The following CYB5B variants were observed in gnomAD, a reference collection of about 807,000 sequenced individuals.
The protein encoded by CYB5B is cytochrome b5 type B, also known as cytochrome b5 type B (outer mitochondrial membrane).
CYB5B carries 14 observed loss-of-function variants against 21.3 expected under a neutral mutation model. That is an observed-to-expected ratio of 0.66 (90% CI 0.43 to 1.03). CYB5B has a LOEUF of 1.03. CYB5B is among the 50% of genes least tolerant of loss of function. The pLI, the probability that CYB5B is intolerant of heterozygous loss-of-function variation, is 0.00. For missense variants in CYB5B, 166 were observed against 185.1 expected (o/e 0.90, Z 0.60); for synonymous variants, 69 against 68.4 (o/e 1.01, Z -0.04).
rs2015046655 is a variant in CYB5B at position 69,462,629 on chromosome 16, C to T, written c.*109C>T. 3.4e-6 allele frequency: 3 copies of T among 884,704 alleles called. No homozygotes were observed. The South Asian group carries it at 4.1e-5, about 12-fold the overall frequency. The allele number at this position is 884,704 out of a possible 1,614,324, so 54.8% of individuals were successfully genotyped here. On this transcript the variant is annotated 3_prime_UTR_variant, in exon 5 of 5. Coordinates refer to ENST00000307892, the MANE Select transcript of CYB5B (RefSeq NM_030579.3). ...CTCGAATCCTGCCAGTTGCATTCTT[C>T]CCCCTTGGAGCCAAGACGATTGGCC...
In CYB5B at chr16:69,424,681, A is replaced by G. The variant is rs551799461; in HGVS notation, c.-3A>G. On this transcript the variant is annotated 5_prime_UTR_variant, in exon 1 of 5. Coordinates refer to ENST00000307892, the MANE Select transcript of CYB5B (RefSeq NM_030579.3). ...GAATCTCAGTTAGCGGTGGAGAGGC[A>G]GTATGTCCGGTTCAATGGCGACTGC... The G allele has an allele frequency of 3.0e-5, 47 of 1,559,886 alleles. No homozygotes were observed. The South Asian group carries it at 5.3e-4, about 18-fold the overall frequency.
chr16:69,424,895 G>A (rs1324656696), intron 1 of CYB5B, 38 bp downstream of exon 1: 2 of 1,509,794 alleles, frequency 1.3e-6, no homozygotes, highest in Non-Finnish European at 1.8e-6. Context: ...GAAGCTGCTG[G>A]GGCGAGGGGT....
intron 1 of CYB5B, among the ~76,000 whole-genome samples, chr16:69,438,354 A>G (rs2014782445): frequency 6.6e-6 from 1 of 152,186 alleles, no homozygotes; most frequent in Admixed American, 6.6e-5. Context: ...TGCTGCAGTG[A>G]ACATTGGTGT....
Position 69,447,259 on chromosome 16 carries a change from A to T in CYB5B, c.284A>T (p.Tyr95Phe). ...SDAREMLKQYYIGDIHPSDLK... is the reference protein window; with the variant it reads ...SDAREMLKQYFIGDIHPSDLK... Reference sequence around the variant, plus strand: ...GCCAGAGAAATGCTAAAGCAGTACTACATTGGTGATATCCATCCGGTAAGA... The same window carrying T: ...GCCAGAGAAATGCTAAAGCAGTACTTCATTGGTGATATCCATCCGGTAAGA... Residue 95 changes from tyrosine to phenylalanine, a missense_variant, in exon 2 of 5, where the codon TAC becomes TTC. Tyr to Phe is a conservative substitution (Grantham distance 22, BLOSUM62 3). Transcript: ENST00000307892. The T allele has an allele frequency of 6.2e-7, 1 of 1,613,996 alleles. No individual in the cohort carries two copies. Among genetic ancestry groups the T allele is most frequent in the Non-Finnish European group, 8.5e-7 (1 of 1,179,982 alleles).
At position 69,462,553 on chromosome 16, in the gene CYB5B, C is replaced by T. The variant is rs765362758; in HGVS notation, c.*33C>T. On this transcript the variant is annotated 3_prime_UTR_variant, in exon 5 of 5. Coordinates refer to ENST00000307892, the MANE Select transcript of CYB5B (RefSeq NM_030579.3). ...TTGCTGAAGTTAGAAAGTGCATCCA[C>T]TTTGGGGCGAAAACTAGAGACTTGC... 6.4e-7 allele frequency: 1 copy of T among 1,574,506 alleles called. No individual in the cohort carries two copies. Among genetic ancestry groups the T allele is most frequent in the South Asian group, 1.1e-5 (1 of 90,250 alleles).
chr16:69,438,293 A>G lies in CYB5B; in HGVS notation c.175-8857A>G, dbSNP rs180971150. 3.9e-3 allele frequency among the ~76,000 whole-genome samples: 589 copies of G among 152,238 alleles called. 2 individuals carry two copies. Among genetic ancestry groups the G allele is most frequent in the Non-Finnish European group, 4.6e-3 (311 of 68,002 alleles). On this transcript the variant is annotated intron_variant, in intron 1 of 4. Transcript: ENST00000307892. ...TGTATATACCACATTTTGTGTATCT[A>G]TTCATCTGTTTATAGGCATGGGTTG... is the stretch of plus-strand genomic sequence containing the variant.
chr16:69,452,585 G>A (rs975494159), intron 3 of CYB5B, among the ~76,000 whole-genome samples: 4 of 152,140 alleles, frequency 2.6e-5, no homozygotes, highest in African/African-American at 9.7e-5. Flanking sequence ...CGGTAGAATG[G>A]CTTGAACCTG....
chr16:69,465,841 A>G lies in CYB5B; in HGVS notation c.*3321A>G, dbSNP rs532290069. 6.6e-5 allele frequency: 10 copies of G among 152,354 alleles called. No individual in the cohort carries two copies. The highest frequency in any genetic ancestry group is 3.3e-4 in the Admixed American group (5 of 15,300). The allele number at this position is 152,354 out of a possible 1,614,324, so 9.4% of individuals were successfully genotyped here. ...TTTAAACTATCTTATTCTGTTGCCA[A>G]ATATCACAGAAGTAATGAGGAGTTT... is the stretch of plus-strand genomic sequence containing the variant. On this transcript the variant is annotated 3_prime_UTR_variant, in exon 5 of 5. Coordinates refer to ENST00000307892, the MANE Select transcript of CYB5B (RefSeq NM_030579.3).
intron 3 of CYB5B, chr16:69,449,344 C>G (rs970482742): frequency 7.9e-5 from 12 of 151,880 alleles, no homozygotes; most frequent in Admixed American, 2.0e-4. Context: ...CTCTTAATAA[C>G]TTGTGTTATT....
chr16:69,426,799 A>G (rs945513155), intron 1 of CYB5B, among the ~76,000 whole-genome samples: 5 of 151,304 alleles, frequency 3.3e-5, no homozygotes, highest in African/African-American at 9.7e-5. Context: ...GATCCTGGTC[A>G]TACAATCAAT....
At chr16:69,443,971 T>C (rs1222184184) in intron 1 of CYB5B, 2 of 152,536 alleles carry the variant, frequency 1.3e-5, no homozygotes, top group Non-Finnish European at 2.9e-5. Flanking sequence ...GTAAGAATCA[T>C]AGGGATGACG....
At chr16:69,425,789 T>C (rs2014638588) in intron 1 of CYB5B, among the ~76,000 whole-genome samples, 1 of 152,194 alleles carries the variant, frequency 6.6e-6, no homozygotes, top group African/African-American at 2.4e-5. Context: ...GCTTTGATTT[T>C]CGGTGTGTGT....
chr16:69,450,144 C>T (rs919549563), intron 3 of CYB5B: 11 of 142,250 alleles, frequency 7.7e-5, no homozygotes, highest in African/African-American at 2.1e-4. Flanking sequence ...AGCTTGAGCC[C>T]GGGAGTTTGA....
At chr16:69,443,410 C>T in intron 1 of CYB5B, 1 of 177,586 alleles carries the variant, frequency 5.6e-6, no homozygotes, top group Non-Finnish European at 1.3e-5. Context: ...GCTCCTGCCT[C>T]ATTTCTTATT....
At chr16:69,442,469 G>A (rs747432105) in intron 1 of CYB5B, among the ~76,000 whole-genome samples, 4 of 152,072 alleles carry the variant, frequency 2.6e-5, no homozygotes, top group Admixed American at 2.6e-4. Flanking sequence ...GATCCTTGCT[G>A]CATGCTCAGC....
intron 3 of CYB5B, among the ~76,000 whole-genome samples, chr16:69,457,259 T>G (rs767406297): frequency 7.9e-5 from 12 of 152,202 alleles, no homozygotes; most frequent in Non-Finnish European, 1.6e-4. Flanking sequence ...CCAGGGCTTT[T>G]GATTGTAAAA....
chr16:69,426,962 G>A (rs2014653983), intron 1 of CYB5B, among the ~76,000 whole-genome samples: 2 of 151,976 alleles, frequency 1.3e-5, no homozygotes, highest in African/African-American at 4.8e-5. Context: ...TTTTTTGGCT[G>A]GGCGCAGTGA....
chr16:69,435,164 G>A (rs1437689885), intron 1 of CYB5B, among the ~76,000 whole-genome samples: 1 of 152,102 alleles, frequency 6.6e-6, no homozygotes, highest in Non-Finnish European at 1.5e-5. Context: ...GCTCTGTAAA[G>A]GCCCTTTTCC....
Position 69,425,364 on chromosome 16 carries a change from T to TA in CYB5B, c.174+507_174+508insA, listed in dbSNP as rs533455345. Among the ~76,000 whole-genome samples the TA allele has an allele frequency of 2.3e-3, 354 of 151,676 alleles. 4 individuals carry two copies. The Middle Eastern group carries it at 0.051, about 22-fold the overall frequency. ...TGATTATGCCTCCACTGTTTTTTTT[T>TA]CCCCCTAATCTGAGTTGACCTTGAG... On this transcript the variant is annotated intron_variant, in intron 1 of 4. Coordinates refer to ENST00000307892, the MANE Select transcript of CYB5B (RefSeq NM_030579.3).
Sources: allele counts gnomAD v4.1 joint callset (sites outside exome capture counted in the v4.1 genomes callset), GRCh38; gene constraint gnomAD v4.1.1; transcripts MANE v1.5; gene names NCBI Gene and HGNC (gene_info 2026-07-23, HGNC 2026-07-21).